The following ADAMTSL3 variants were observed in gnomAD, a reference collection of about 807,000 sequenced individuals.
ADAMTSL3 encodes the protein ADAMTS like 3.
A neutral mutation model predicts 201.7 loss-of-function variants in ADAMTSL3; 128 were observed. That is an observed-to-expected ratio of 0.63 (90% CI 0.55 to 0.73). The LOEUF is 0.73. ADAMTSL3 is among the 30% of genes least tolerant of loss of function. The probability of loss-of-function intolerance (pLI) is 0.00; values close to 1 mark genes in which losing one functional copy is unlikely to be tolerated. For synonymous variants in ADAMTSL3, 738 were observed against 748.4 expected, an observed-to-expected ratio of 0.99 and a Z score of 0.23; for missense variants, 1,990 against 2,119.6, an observed-to-expected ratio of 0.94 and a Z score of 1.20.
intron 2 of ADAMTSL3, among the ~76,000 whole-genome samples, chr15:83,697,908 C>T (rs567843878): frequency 4.7e-4 from 72 of 152,076 alleles, no homozygotes; most frequent in Non-Finnish European, 8.8e-4. Flanking sequence ...GCAACCAGCC[C>T]CCATCCTGAG....
intron 2 of ADAMTSL3, among the ~76,000 whole-genome samples, chr15:83,666,870 G>A (rs927181911): frequency 6.6e-6 from 1 of 151,080 alleles, no homozygotes; most frequent in Non-Finnish European, 1.5e-5. Context: ...AAAAGAAATA[G>A]AAAAATAAAT....
Position 84,017,622 on chromosome 15 carries a change from AAC to A in ADAMTSL3, c.4273+1125_4273+1126del, listed in dbSNP as rs147791938. On this transcript the variant is annotated intron_variant, in intron 25 of 29. Coordinates refer to ENST00000286744, the MANE Select transcript of ADAMTSL3 (RefSeq NM_207517.3). ...TGCAAGAGAGAGCACAGAAGGGGAAAACAGTGTTGAGCTGCCAATCAGCAATC... is the reference window on the plus strand; with the variant it reads ...TGCAAGAGAGAGCACAGAAGGGGAAAAGTGTTGAGCTGCCAATCAGCAATC... Among the ~76,000 whole-genome samples, 999 of 152,344 alleles carry A rather than the reference AAC, an allele frequency of 6.6e-3. 8 individuals are homozygous for A. The highest frequency in any genetic ancestry group is 0.022 in the African/African-American group (921 of 41,562).
chr15:83,800,833 TG>T (rs1181004183), intron 4 of ADAMTSL3, among the ~76,000 whole-genome samples: 1 of 152,226 alleles, frequency 6.6e-6, no homozygotes, highest in African/African-American at 2.4e-5. Context: ...TTCCCTCAAC[TG>T]GGGCTTTTCC....
Position 83,982,607 on chromosome 15 carries a change from C to T in ADAMTSL3, c.2979C>T (p.Leu993=). The change falls in exon 21 of 30, where the codon CTC becomes CTT. Residue 993 remains leucine (L), a synonymous_variant. Coordinates refer to ENST00000286744, the MANE Select transcript of ADAMTSL3 (RefSeq NM_207517.3). ...GCTCTGCACAGGAAACAGTTGTGCT[C>T]AAGCTCATTGGTACTGACAACCGGC... The part of the protein sequence containing the change: ...IAGSAQETVV[L]KLIGTDNRLI... The T allele has an allele frequency of 6.2e-7, 1 of 1,614,180 alleles. No individual in the cohort carries two copies. The highest frequency in any genetic ancestry group is 8.5e-7 in the Non-Finnish European group (1 of 1,180,044).
chr15:83,746,337 T>C (rs1392162180), intron 3 of ADAMTSL3, among the ~76,000 whole-genome samples: 3 of 150,746 alleles, frequency 2.0e-5, no homozygotes. Context: ...CCACTCAGAG[T>C]GCAAGGGAGG....
At chr15:83,821,910 C>A (rs551546210) in intron 6 of ADAMTSL3, among the ~76,000 whole-genome samples, 1 of 149,674 alleles carries the variant, frequency 6.7e-6, no homozygotes, top group African/African-American at 2.5e-5. Flanking sequence ...GGCGGCTGGC[C>A]GGGCAGAGGG....
intron 3 of ADAMTSL3, among the ~76,000 whole-genome samples, chr15:83,722,687 A>T (rs930105936): frequency 6.6e-6 from 1 of 152,184 alleles, no homozygotes; most frequent in Non-Finnish European, 1.5e-5. Flanking sequence ...GTAGAAGATA[A>T]CAAAAACAAG....
intron 23 of ADAMTSL3, among the ~76,000 whole-genome samples, chr15:84,002,303 C>T (rs1453951301): frequency 1.3e-5 from 2 of 152,144 alleles, no homozygotes; most frequent in Non-Finnish European, 2.9e-5. Flanking sequence ...TATTGAGTGT[C>T]GCCATGTCTT....
chr15:83,701,792 T>C (rs538985894), intron 2 of ADAMTSL3, among the ~76,000 whole-genome samples: 2 of 152,300 alleles, frequency 1.3e-5, no homozygotes, highest in South Asian at 4.1e-4. Context: ...CTCGAGTATG[T>C]CATTACCAGC....
At chr15:83,832,366 T>G (rs768642699) in intron 6 of ADAMTSL3, among the ~76,000 whole-genome samples, 3 of 152,166 alleles carry the variant, frequency 2.0e-5, no homozygotes, top group Non-Finnish European at 4.4e-5. Context: ...TCAGTATGAA[T>G]TAGTGCATTT....
intron 15 of ADAMTSL3, among the ~76,000 whole-genome samples, chr15:83,903,917 C>CAAAAAAAAAAAAAAAAAAAA (rs1168502648): frequency 2.1e-4 from 4 of 19,276 alleles, no homozygotes; most frequent in African/African-American, 4.4e-4. Flanking sequence ...GACTCCACAT[C>CAAAAAAAAAAAAAAAAAAAA]AAAAAAAAAA....
intron 13 of ADAMTSL3, among the ~76,000 whole-genome samples, chr15:83,893,125 TACC>T (rs902181024): frequency 2.6e-5 from 4 of 152,136 alleles, no homozygotes; most frequent in African/African-American, 9.7e-5. Flanking sequence ...TCCATACAAT[TACC>T]AGCGTAATTA....
In ADAMTSL3 at chr15:84,016,369, T is replaced by C; in HGVS notation, c.4157-14T>C. On this transcript the variant is annotated splice_polypyrimidine_tract_variant and intron_variant, in intron 24 of 29. Transcript: ENST00000286744. ...TGTCTAACTGGTAAAAGTGCTACTT[T>C]TTTTTTTCCTCAGAACGAAGATGGC... is the stretch of plus-strand genomic sequence containing the variant. The C allele has an allele frequency of 6.2e-7, 1 of 1,607,106 alleles. No homozygotes were observed. The highest frequency in any genetic ancestry group is 8.5e-7 in the Non-Finnish European group (1 of 1,174,180).
chr15:83,988,888 T>TTTA, intron 22 of ADAMTSL3, 70 bp downstream of exon 22: 2 of 609,912 alleles, frequency 3.3e-6, no homozygotes, highest in Non-Finnish European at 4.3e-6. Flanking sequence ...TATTTATTTA[T>TTTA]TTTTTTTTTT....
intron 20 of ADAMTSL3, among the ~76,000 whole-genome samples, chr15:83,975,679 G>A (rs1023940607): frequency 3.9e-5 from 6 of 152,138 alleles, no homozygotes; most frequent in Admixed American, 6.5e-5. Context: ...TCTGTTCATC[G>A]GGCCCACATG....
chr15:83,747,714 GT>G (rs1435238866), intron 3 of ADAMTSL3, among the ~76,000 whole-genome samples: 8 of 151,926 alleles, frequency 5.3e-5, no homozygotes, highest in African/African-American at 1.9e-4. Flanking sequence ...TGTCTACTTC[GT>G]AAGAATGGCT....
intron 25 of ADAMTSL3, 39 bp downstream of exon 25, chr15:84,016,538 G>C: frequency 1.3e-6 from 2 of 1,507,014 alleles, no homozygotes; most frequent in Non-Finnish European, 1.8e-6. Flanking sequence ...CTATGTGTGA[G>C]GCATGTGTAA....
At chr15:83,666,691 A>G (rs967697098) in intron 2 of ADAMTSL3, among the ~76,000 whole-genome samples, 1 of 151,972 alleles carries the variant, frequency 6.6e-6, no homozygotes, top group African/African-American at 2.4e-5. Flanking sequence ...ATAAAGATAA[A>G]TTATCTGGGC....
intron 3 of ADAMTSL3, among the ~76,000 whole-genome samples, chr15:83,752,488 T>TACACAC (rs762265955): frequency 1.3e-5 from 2 of 151,346 alleles, no homozygotes; most frequent in Admixed American, 6.6e-5. Context: ...TGCTTATGCA[T>TACACAC]ACACACACAC....
Sources: gnomAD v4.1 joint callset for allele counts (sites outside exome capture counted in the v4.1 genomes callset) on GRCh38, gnomAD v4.1.1 for gene constraint, MANE v1.5 for transcripts, NCBI Gene and HGNC (gene_info 2026-07-23, HGNC 2026-07-21) for gene names.